Variants in VXN observed in about 807,000 individuals in gnomAD.
The protein encoded by VXN is uncharacterized protein C8orf46.
Under a neutral mutation model 23.1 loss-of-function variants are expected in VXN, and 7 were observed. The observed-to-expected ratio is 0.30, with a 90% confidence interval of 0.17 to 0.57. The LOEUF is 0.57. Among genes scored for constraint, VXN ranks in the 20% least tolerant of loss-of-function variants. VXN has a pLI of 0.91. For missense variants in VXN, 238 were observed against 272.6 expected (o/e 0.87, Z 0.89); for synonymous variants, 120 against 105.8 (o/e 1.13, Z -0.83).
At chr8:66,493,958 A>G (rs1038677772) in intron 1 of VXN, among the ~76,000 whole-genome samples, 1 of 152,170 alleles carries the variant, frequency 6.6e-6, no homozygotes. Flanking sequence ...GTCTCATTTA[A>G]TTCAGTACCA....
chr8:66,505,096 C>T lies in VXN; in HGVS notation c.127-279C>T, dbSNP rs535104741. 7.2e-6 allele frequency: 4 copies of T among 552,994 alleles called. No homozygotes were observed. In the East Asian group the frequency reaches 1.4e-4, roughly 20 times the overall value. The allele number at this position is 552,994 out of a possible 1,614,324, so 34.3% of individuals were successfully genotyped here. ...GGCCTGATGGCCCAGGCTCCTGACC[C>T]TGTGAAGGGCCTGCTGTTGAGGAAC... On this transcript the variant is annotated intron_variant, in intron 2 of 5. Transcript: ENST00000305454.
At position 66,493,702 on chromosome 8, in the gene VXN, C is replaced by G. The variant is rs1330442154; in HGVS notation, c.54C>G (p.Thr18=). ...ACGAGAACATAGAAGTTTTCACCAC[C>G]GTGATTCCTTCCAAGGGTGAGTGAA... is the stretch of plus-strand genomic sequence containing the variant. The part of the protein sequence containing the change: ...CSDENIEVFT[T]VIPSKVSSPA... Residue 18 remains threonine, a synonymous_variant, in exon 1 of 6, where the codon ACC becomes ACG. Transcript: ENST00000305454. 3 of 1,613,010 alleles carry G rather than the reference C, an allele frequency of 1.9e-6. No homozygotes were observed. The highest frequency in any genetic ancestry group is 1.7e-6 in the Non-Finnish European group (2 of 1,179,698).
intron 4 of VXN, among the ~76,000 whole-genome samples, chr8:66,510,897 C>T (rs1019120338): frequency 6.6e-6 from 1 of 152,180 alleles, no homozygotes; most frequent in African/African-American, 2.4e-5. Context: ...TACCATACAT[C>T]CAGGACTAGG....
In VXN at chr8:66,505,508, C is replaced by T. The variant is rs1807742060; in HGVS notation, c.260C>T (p.Ala87Val). Residue 87 changes from alanine (A) to valine (V), a missense_variant, in exon 3 of 6, where the codon GCC becomes GTC. Physicochemically the swap from Ala to Val is moderately conservative, Grantham distance 64. This residue lies in a region of VXN where 223 missense variants were observed against 236.9 expected (regional missense o/e 0.94). Coordinates refer to ENST00000305454, the MANE Select transcript of VXN (RefSeq NM_152765.4). The part of the protein sequence containing the change: ...QTARPPTAHP[A>V]KASARPVGIS... ...GCGCGGCCGCCCACAGCCCACCCGG[C>T]CAAAGCCTCTGCCAGACCCGGTACG... is the stretch of plus-strand genomic sequence containing the variant. 2 of 1,540,096 alleles carry T rather than the reference C, an allele frequency of 1.3e-6. No homozygotes were observed. Among genetic ancestry groups the T allele is most frequent in the Non-Finnish European group, 8.7e-7 (1 of 1,146,746 alleles).
chr8:66,498,087 G>GC (rs1807646348), intron 2 of VXN, among the ~76,000 whole-genome samples: 1 of 151,294 alleles, frequency 6.6e-6, no homozygotes, highest in Non-Finnish European at 1.5e-5. Context: ...AGAATCGCTT[G>GC]AACCTGAGAG....
chr8:66,515,777 C>A, intron 5 of VXN, 116 bp from the exon 6 acceptor site: 2 of 865,690 alleles, frequency 2.3e-6, no homozygotes, highest in East Asian at 2.8e-5. Context: ...TACGTGGATC[C>A]CGGTCACTGA....
chr8:66,500,120 A>G (rs1807674416), intron 2 of VXN, among the ~76,000 whole-genome samples: 1 of 152,164 alleles, frequency 6.6e-6, no homozygotes, highest in Non-Finnish European at 1.5e-5. Flanking sequence ...TTCTAGATTC[A>G]TTATTTAACC....
At chr8:66,514,807 T>C (rs953314470) in intron 5 of VXN, among the ~76,000 whole-genome samples, 1 of 152,100 alleles carries the variant, frequency 6.6e-6, no homozygotes, top group African/African-American at 2.4e-5. Flanking sequence ...TATCTAGTAG[T>C]TGGGAAGCTA....
At chr8:66,507,650 G>C (rs965777360) in intron 3 of VXN, among the ~76,000 whole-genome samples, 1 of 152,156 alleles carries the variant, frequency 6.6e-6, no homozygotes, top group African/African-American at 2.4e-5. Flanking sequence ...TTATGATATG[G>C]AGAGAATCTG....
chr8:66,507,056 T>G (rs1807768195), intron 3 of VXN, among the ~76,000 whole-genome samples: 1 of 152,220 alleles, frequency 6.6e-6, no homozygotes, highest in African/African-American at 2.4e-5. Flanking sequence ...AATCTTATTT[T>G]TATGCAGATT....
chr8:66,514,670 T>TC (rs1302143015), intron 5 of VXN, among the ~76,000 whole-genome samples: 2 of 152,080 alleles, frequency 1.3e-5, no homozygotes, highest in Admixed American at 1.3e-4. Flanking sequence ...CCTCAAGTGA[T>TC]CCCCCTGCCT....
chr8:66,515,172 A>G (rs1807872846), intron 5 of VXN, among the ~76,000 whole-genome samples: 1 of 152,234 alleles, frequency 6.6e-6, no homozygotes, highest in South Asian at 2.1e-4. Context: ...TCACTGTGCC[A>G]TGACAGAGGC....
At chr8:66,499,221 GTTTTT>G (rs759637693) in intron 2 of VXN, among the ~76,000 whole-genome samples, 1 of 109,660 alleles carries the variant, frequency 9.1e-6, no homozygotes, top group Admixed American at 9.8e-5. Context: ...TATTGGGTTG[GTTTTT>G]TTTTTTTTTT....
chr8:66,500,049 G>A (rs1039220785), intron 2 of VXN, among the ~76,000 whole-genome samples: 1 of 152,096 alleles, frequency 6.6e-6, no homozygotes, highest in Non-Finnish European at 1.5e-5. Flanking sequence ...TATAGCGGCT[G>A]TATAATACAA....
intron 2 of VXN, among the ~76,000 whole-genome samples, chr8:66,505,008 T>C (rs1455952928): frequency 6.6e-6 from 1 of 152,226 alleles, no homozygotes; most frequent in African/African-American, 2.4e-5. Context: ...CTGTCCTGTT[T>C]CATTGCCTGT....
At chr8:66,513,398 A>G in intron 4 of VXN, 142 bp from the exon 5 acceptor site, 1 of 748,628 alleles carries the variant, frequency 1.3e-6, no homozygotes, top group East Asian at 2.6e-5. Context: ...CCTCCAGGGC[A>G]GTCCCACACC....
At chr8:66,494,208 G>A (rs1186090379) in intron 1 of VXN, among the ~76,000 whole-genome samples, 1 of 152,166 alleles carries the variant, frequency 6.6e-6, no homozygotes, top group Non-Finnish European at 1.5e-5. Flanking sequence ...ACCCTGGGCT[G>A]GCTTCTCCAC....
intron 3 of VXN, among the ~76,000 whole-genome samples, chr8:66,508,115 T>G (rs1427645741): frequency 1.3e-5 from 2 of 151,908 alleles, no homozygotes; most frequent in Non-Finnish European, 2.9e-5. Flanking sequence ...TGTTCAAGCC[T>G]TTCCTCTTTT....
chr8:66,515,348 A>T (rs1329478820), intron 5 of VXN, among the ~76,000 whole-genome samples: 1 of 152,220 alleles, frequency 6.6e-6, no homozygotes, highest in Non-Finnish European at 1.5e-5. Flanking sequence ...AGGCATGAAC[A>T]CATGTTGAGG....
Sources: allele counts gnomAD v4.1 joint callset (sites outside exome capture counted in the v4.1 genomes callset), GRCh38; gene constraint gnomAD v4.1.1; regional missense constraint gnomAD v4.1.1; transcripts MANE v1.5; gene names NCBI Gene and HGNC (gene_info 2026-07-23, HGNC 2026-07-21).